Variants in TANK observed in about 807,000 individuals in gnomAD.
The protein encoded by TANK is TRAF family member-associated NF-kappa-B activator.
Under a neutral mutation model 43.6 loss-of-function variants are expected in TANK, and 15 were observed. The observed-to-expected ratio is 0.34, with a 90% CI of 0.23 to 0.53. TANK has a LOEUF of 0.53. Among genes scored for constraint, TANK ranks in the 20% least tolerant of loss-of-function variants. TANK has a pLI of 0.94. For missense variants in TANK, 417 were observed against 498.6 expected, an observed-to-expected ratio of 0.84 and a Z score of 1.56; for synonymous variants, 162 against 178.2, an observed-to-expected ratio of 0.91 and a Z score of 0.73.
At chr2:161,160,341 C>T (rs1281977617), upstream of TANK, 1 of 985,236 alleles carries the variant, frequency 1.0e-6, no homozygotes, top group Non-Finnish European at 1.3e-6. Context: ...GGGCCCTGGC[C>T]TTGTTGGGTG....
At chr2:161,209,111 T>G (rs1310010625) in intron 4 of TANK, among the ~76,000 whole-genome samples, 1 of 152,202 alleles carries the variant, frequency 6.6e-6, no homozygotes, top group Non-Finnish European at 1.5e-5. Flanking sequence ...ATGTGATTAT[T>G]AATCCTAAAG....
At chr2:161,173,217 C>G (rs1413497575) in intron 1 of TANK, among the ~76,000 whole-genome samples, 1 of 152,112 alleles carries the variant, frequency 6.6e-6, no homozygotes, top group Non-Finnish European at 1.5e-5. Context: ...GTCATACATG[C>G]TGACCCTGAC....
rs558845897 is a variant in TANK at position 161,234,143 on chromosome 2, A to G, written c.1102-1199A>G. Among the ~76,000 whole-genome samples the G allele has an allele frequency of 7.9e-5, 12 of 152,314 alleles. No homozygotes were observed. In the South Asian group the frequency reaches 2.5e-3, roughly 32 times the overall value. On this transcript the variant is annotated intron_variant, in intron 7 of 7. Coordinates refer to ENST00000392749, the MANE Select transcript of TANK (RefSeq NM_001199135.3). ...ACCAATTGTACACAGCTGTCCAGTAAACTGTTCATAAGAAGACAGTGATGT... is the reference window on the plus strand; with the variant it reads ...ACCAATTGTACACAGCTGTCCAGTAGACTGTTCATAAGAAGACAGTGATGT...
intron 4 of TANK, chr2:161,211,606 T>C (rs891857998): frequency 4.5e-6 from 1 of 221,014 alleles, no homozygotes; most frequent in Non-Finnish European, 7.6e-6. Flanking sequence ...TTACATCATC[T>C]AAACACATAG....
intron 1 of TANK, chr2:161,161,427 A>T: frequency 6.4e-7 from 1 of 1,550,798 alleles, no homozygotes; most frequent in Non-Finnish European, 8.7e-7. Flanking sequence ...CAGAGAAGCA[A>T]GCAGTGCATT....
chr2:161,170,875 G>T (rs1011052341), intron 1 of TANK, among the ~76,000 whole-genome samples: 3 of 152,192 alleles, frequency 2.0e-5, no homozygotes, highest in African/African-American at 7.2e-5. Flanking sequence ...TTTATCTTCA[G>T]TTGACTAGGC....
intron 4 of TANK, chr2:161,212,385 A>C: frequency 1.0e-6 from 1 of 984,766 alleles, no homozygotes; most frequent in Non-Finnish European, 1.2e-6. Flanking sequence ...TAAGAAAACA[A>C]ATATTGATAT....
chr2:161,203,540 A>G lies in TANK; in HGVS notation c.153A>G (p.Gln51=), dbSNP rs1686512503. The G allele has an allele frequency of 7.4e-6, 12 of 1,612,774 alleles. No individual in the cohort carries two copies. The highest frequency in any genetic ancestry group is 1.0e-5 in the Non-Finnish European group (12 of 1,179,512). Residue 51 remains glutamine, a synonymous_variant, in exon 3 of 8, where the codon CAA becomes CAG. Coordinates refer to ENST00000392749, the MANE Select transcript of TANK (RefSeq NM_001199135.3). Reference sequence around the variant, plus strand: ...AACAACAGGAACAGCTGTCACTTCAACAGACTATTATTGACAAGCTAAAAT... The same window carrying G: ...AACAACAGGAACAGCTGTCACTTCAGCAGACTATTATTGACAAGCTAAAAT... ...IREQQEQLSL[Q]QTIIDKLKSQ...
intron 1 of TANK, among the ~76,000 whole-genome samples, chr2:161,151,386 T>C (rs1684076978): frequency 6.6e-6 from 1 of 152,180 alleles, no homozygotes; most frequent in Admixed American, 6.5e-5. Flanking sequence ...CAGTGACTAT[T>C]GTAGTACTGT....
At position 161,235,658 on chromosome 2, in the gene TANK, T is replaced by G. The variant is rs1688141772; in HGVS notation, c.*140T>G. 1 of 648,176 alleles carries G rather than the reference T, an allele frequency of 1.5e-6. No individual in the cohort carries two copies. Among genetic ancestry groups the G allele is most frequent in the Non-Finnish European group, 2.4e-6 (1 of 412,592 alleles). 40.2% of individuals were successfully genotyped at this position (648,176 alleles called of 1,614,324 possible). ...CAGCTATTTGAATTTTTTTCTGGAT[T>G]TACTATATAACTCTTATTTTTTAAA... On this transcript the variant is annotated 3_prime_UTR_variant, in exon 8 of 8. Coordinates refer to ENST00000392749, the MANE Select transcript of TANK (RefSeq NM_001199135.3).
At chr2:161,147,277 T>G (rs181193561) in intron 1 of TANK, among the ~76,000 whole-genome samples, 160 of 152,268 alleles carry the variant, frequency 1.1e-3, no homozygotes, top group Non-Finnish European at 1.7e-3. Flanking sequence ...GTCCCAGTGT[T>G]GGCTACCATC....
At chr2:161,227,178 T>C (rs1349507873) in intron 6 of TANK, 3 of 152,228 alleles carry the variant, frequency 2.0e-5, no homozygotes, top group Admixed American at 6.5e-5. Context: ...TTAATAGATA[T>C]TAACTCTCAC....
At chr2:161,195,197 A>G (rs1574017979) in intron 2 of TANK, among the ~76,000 whole-genome samples, 1 of 152,352 alleles carries the variant, frequency 6.6e-6, no homozygotes, top group Middle Eastern at 3.4e-3. Flanking sequence ...AGCAGCTACT[A>G]TGTATCCGGA....
At chr2:161,206,146 T>C (rs1686643203) in intron 4 of TANK, among the ~76,000 whole-genome samples, 2 of 152,090 alleles carry the variant, frequency 1.3e-5, no homozygotes, top group African/African-American at 4.8e-5. Context: ...CTTTTTTTTT[T>C]AATAGAAGAG....
intron 2 of TANK, among the ~76,000 whole-genome samples, chr2:161,198,948 AAGCC>A (rs1444119279): frequency 1.3e-5 from 2 of 152,172 alleles, no homozygotes; most frequent in African/African-American, 4.8e-5. Context: ...AGACTTGTGT[AAGCC>A]AGGATCTCTG....
chr2:161,222,341 A>T (rs1376010452), intron 4 of TANK, among the ~76,000 whole-genome samples: 1 of 151,994 alleles, frequency 6.6e-6, no homozygotes, highest in Non-Finnish European at 1.5e-5. Context: ...TAAGGAGGTC[A>T]TTCCATTTAA....
chr2:161,148,034 A>T (rs1683966478), intron 1 of TANK, among the ~76,000 whole-genome samples: 1 of 152,174 alleles, frequency 6.6e-6, no homozygotes, highest in Admixed American at 6.5e-5. Flanking sequence ...TTTTGGGTAT[A>T]TACCTATCAG....
intron 1 of TANK, among the ~76,000 whole-genome samples, chr2:161,165,000 G>A (rs1271733665): frequency 6.9e-6 from 1 of 145,702 alleles, no homozygotes; most frequent in African/African-American, 2.5e-5. Context: ...AACATTTTGA[G>A]TACTAGTGAT....
chr2:161,138,059 T>C, intron 1 of TANK: 1 of 532,938 alleles, frequency 1.9e-6, no homozygotes. Context: ...TACACTAAAG[T>C]GTTAATCTTA....
Sources: gnomAD v4.1 joint callset for allele counts (sites outside exome capture counted in the v4.1 genomes callset) on GRCh38, gnomAD v4.1.1 for gene constraint, MANE v1.5 for transcripts, NCBI Gene and HGNC (gene_info 2026-07-23, HGNC 2026-07-21) for gene names.